Variants in SERPINB12 observed in about 807,000 individuals in gnomAD.
The protein encoded by SERPINB12 is serpin B12.
A neutral mutation model predicts 41.1 loss-of-function variants in SERPINB12; 57 were observed. The observed-to-expected ratio is 1.39, with a 90% CI of 1.12 to 1.73. The LOEUF (loss-of-function observed/expected upper bound fraction) is 1.73, where lower values mean the gene tolerates loss of function less well. SERPINB12 is among the 40% of genes most tolerant of loss of function. The probability of loss-of-function intolerance (pLI) is 0.00; values close to 1 mark genes in which losing one functional copy is unlikely to be tolerated. For synonymous variants in SERPINB12, 180 were observed against 181.3 expected (o/e 0.99, Z 0.06); for missense variants, 536 against 501.9 (o/e 1.07, Z -0.65).
Position 63,550,337 on chromosome 18 carries a change from G to T in SERPINB12, c.-18-5805G>T, listed in dbSNP as rs1178445447. ...TAAACACCAAATACGGCCTGTGAAT[G>T]CTTGGGGAGCATTCCCTAAATGCAT... On this transcript the variant is annotated intron_variant, in intron 1 of 7. Transcript: ENST00000382768. 2.0e-5 allele frequency among the ~76,000 whole-genome samples: 3 copies of T among 152,140 alleles called. No individual in the cohort carries two copies. The East Asian group carries it at 5.8e-4, about 29-fold the overall frequency.
At chr18:63,561,274 C>A in intron 5 of SERPINB12, 72 bp downstream of exon 5, 1 of 881,394 alleles carries the variant, frequency 1.1e-6, no homozygotes, top group Non-Finnish European at 1.9e-6. Flanking sequence ...CCTAGCTTTG[C>A]AGACTGCTGG....
upstream of SERPINB12, among the ~76,000 whole-genome samples, chr18:63,537,651 T>G (rs1910200321): frequency 6.6e-6 from 1 of 152,134 alleles, no homozygotes; most frequent in African/African-American, 2.4e-5. Context: ...AACTCTGACT[T>G]TCTAGGGAGG....
intron 5 of SERPINB12, 66 bp downstream of exon 5, chr18:63,561,268 GCTTT>G: frequency 4.2e-6 from 4 of 944,162 alleles, no homozygotes; most frequent in South Asian, 1.4e-5. Context: ...GGTCTGCCTA[GCTTT>G]GCAGACTGCT....
chr18:63,546,206 C>T (rs75292253), intron 1 of SERPINB12, among the ~76,000 whole-genome samples: 148 of 152,244 alleles, frequency 9.7e-4, no homozygotes, highest in Non-Finnish European at 1.9e-3. Flanking sequence ...GTAGGAGAAC[C>T]AGGTCAGAGA....
intron 6 of SERPINB12, among the ~76,000 whole-genome samples, chr18:63,565,140 T>C (rs902967919): frequency 5.9e-5 from 9 of 152,116 alleles, no homozygotes; most frequent in African/African-American, 1.7e-4. Context: ...TGAGCTATGA[T>C]GGCACCACTG....
At chr18:63,558,987 TTTCTTTCTTTCCTTCC>T (rs1202906624) in intron 3 of SERPINB12, among the ~76,000 whole-genome samples, 1 of 80,618 alleles carries the variant, frequency 1.2e-5, no homozygotes, top group African/African-American at 5.8e-5. Context: ...GATGATTGTC[TTTCTTTCTTTCCTTCC>T]TTCTTTCTTT....
chr18:63,564,044 C>T lies in SERPINB12; in HGVS notation c.629C>T (p.Ala210Val), dbSNP rs1182925843. Reference sequence around the variant, plus strand: ...GAGACTGTGCTGGTACTGGTGAATGCTGTTTACTTCAAGGCCAAATGGGAA... The same window carrying T: ...GAGACTGTGCTGGTACTGGTGAATGTTGTTTACTTCAAGGCCAAATGGGAA... ...NAETVLVLVN[A>V]VYFKAKWETY... The change falls in exon 6 of 8, where the codon GCT (alanine) becomes GTT (valine). Residue 210 changes from alanine to valine, a missense_variant. Ala to Val is a moderately conservative substitution (Grantham distance 64). Coordinates refer to ENST00000382768, the MANE Select transcript of SERPINB12 (RefSeq NM_001307928.2). 1.9e-6 allele frequency: 3 copies of T among 1,613,928 alleles called. No individual in the cohort carries two copies. The African/African-American group carries it at 4.0e-5, about 22-fold the overall frequency.
At position 63,566,830 on chromosome 18, in the gene SERPINB12, A is replaced by G. The variant is rs753847548; in HGVS notation, c.1097A>G (p.His366Arg). ...AATTTGTACTTGTCAAAAATTATCC[A>G]CAAAACCTTTGTGGAGGTGGATGAA... Reference protein sequence around the residue: ...SPNLYLSKIIHKTFVEVDENG... With the variant: ...SPNLYLSKIIRKTFVEVDENG... The change falls in exon 8 of 8, where the codon CAC (histidine) becomes CGC (arginine). Residue 366 changes from histidine (H) to arginine (R), a missense_variant. By Grantham distance (29) the His-to-Arg change is conservative. Transcript: ENST00000382768. 3.1e-6 allele frequency: 5 copies of G among 1,614,070 alleles called. No individual in the cohort carries two copies. The South Asian group carries it at 3.3e-5, about 11-fold the overall frequency.
the SERPINB12 span, among the ~76,000 whole-genome samples, chr18:63,534,023 A>G: frequency 3.3e-5 from 5 of 152,200 alleles, no homozygotes; most frequent in Non-Finnish European, 7.3e-5. Flanking sequence ...TGCTCTGGGT[A>G]GAGTTTGAAA....
chr18:63,559,762 C>T (rs762475863), intron 4 of SERPINB12, 44 bp downstream of exon 4: 1 of 1,604,588 alleles, frequency 6.2e-7, no homozygotes, highest in African/African-American at 1.3e-5. Context: ...ATGTAGCATA[C>T]TATTTAAAAA....
rs1568130446 is a variant in SERPINB12, at chr18:63,561,097, GGT to G, written c.461_462del (p.Val154AspfsTer9). On this transcript the variant is annotated frameshift_variant, in exon 5 of 8. Coordinates refer to ENST00000382768, the MANE Select transcript of SERPINB12 (RefSeq NM_001307928.2). LOFTEE classifies it high-confidence loss of function. The part of the protein sequence containing the change: ...EFPICQEYLD[G>X]VIQFYHTTIE... ...TCCAATGGAACAGGAATACTTAGAT[GGT>G]GTGATTCAATTTTACCACACGACGA... 1 of 1,602,988 alleles carries G rather than the reference GGT, an allele frequency of 6.2e-7. No individual in the cohort carries two copies. The highest frequency in any genetic ancestry group is 1.7e-5 in the Admixed American group (1 of 59,866).
intron 2 of SERPINB12, 87 bp from the exon 3 acceptor site, chr18:63,558,265 C>G: frequency 7.4e-7 from 1 of 1,354,882 alleles, no homozygotes; most frequent in Non-Finnish European, 1.0e-6. Flanking sequence ...TAATCATTGC[C>G]ATTGTCTCAT....
At chr18:63,533,388 A>G in the SERPINB12 span, among the ~76,000 whole-genome samples, 3 of 152,226 alleles carry the variant, frequency 2.0e-5, no homozygotes, top group Non-Finnish European at 4.4e-5. Context: ...ACAATTTGAT[A>G]TGATTACCAG....
intron 1 of SERPINB12, among the ~76,000 whole-genome samples, chr18:63,553,643 G>T (rs80114653): frequency 6.6e-6 from 1 of 151,922 alleles, no homozygotes; most frequent in South Asian, 2.1e-4. Flanking sequence ...CTCCTCCTTC[G>T]AGCTGAAGAT....
rs187579224 is a variant in SERPINB12, at chr18:63,554,139, G to C, written c.-18-2003G>C. On this transcript the variant is annotated intron_variant, in intron 1 of 7. Coordinates refer to ENST00000382768, the MANE Select transcript of SERPINB12 (RefSeq NM_001307928.2). ...TAAAATGGACTATAAGCTGAATAAGGGGGGAGAGTACCCACATACAGCAGG... is the reference window on the plus strand; with the variant it reads ...TAAAATGGACTATAAGCTGAATAAGCGGGGAGAGTACCCACATACAGCAGG... Among the ~76,000 whole-genome samples the C allele has an allele frequency of 9.1e-4, 138 of 152,270 alleles. 1 individual carries two copies. The highest frequency in any genetic ancestry group is 3.2e-3 in the African/African-American group (134 of 41,560).
chr18:63,522,588 A>G, the SERPINB12 span, among the ~76,000 whole-genome samples: 2 of 152,180 alleles, frequency 1.3e-5, no homozygotes, highest in East Asian at 3.8e-4. Flanking sequence ...CATGTAATTA[A>G]TTTTTTGTTT....
the SERPINB12 span, among the ~76,000 whole-genome samples, chr18:63,522,728 C>T: frequency 4.6e-5 from 7 of 152,190 alleles, no homozygotes; most frequent in Admixed American, 4.6e-4. Flanking sequence ...AGAATCTTTG[C>T]CATGAATCTG....
At chr18:63,520,080 C>T in the SERPINB12 span, among the ~76,000 whole-genome samples, 1 of 152,188 alleles carries the variant, frequency 6.6e-6, no homozygotes, top group African/African-American at 2.4e-5. Context: ...TAGTCCAAAC[C>T]AGGGCCTTCA....
intron 4 of SERPINB12, 103 bp from the exon 5 acceptor site, chr18:63,560,982 G>T: frequency 1.3e-6 from 1 of 743,260 alleles, no homozygotes; most frequent in East Asian, 2.5e-5. Context: ...GAAATGACCA[G>T]GCTCATCTTT....
Sources: allele counts gnomAD v4.1 joint callset (sites outside exome capture counted in the v4.1 genomes callset), GRCh38; gene constraint gnomAD v4.1.1; transcripts MANE v1.5; gene names NCBI Gene and HGNC (gene_info 2026-07-23, HGNC 2026-07-21).